The following AKT3 variants were observed in gnomAD, a reference collection of about 807,000 sequenced individuals.
AKT3 encodes the protein RAC-gamma serine/threonine-protein kinase.
In AKT3, 15 loss-of-function variants were observed where a neutral mutation model predicts 65.3. The ratio of observed to expected loss-of-function variants is 0.23; its 90% CI spans 0.15 to 0.35. The LOEUF (loss-of-function observed/expected upper bound fraction) is 0.35. Ranked by LOEUF, AKT3 falls within the 10% of genes least tolerant of loss-of-function variation. The pLI, the probability that AKT3 is intolerant of heterozygous loss-of-function variation, is 1.00. For missense variants in AKT3, 243 were observed against 576.5 expected (o/e 0.42, Z 5.92); for synonymous variants, 206 against 183.8 (o/e 1.12, Z -0.98).
At chr1:243,604,828 A>G (rs975915163) in intron 8 of AKT3, among the ~76,000 whole-genome samples, 4 of 152,216 alleles carry the variant, frequency 2.6e-5, no homozygotes, top group Non-Finnish European at 5.9e-5. Flanking sequence ...GGTCTAGCCC[A>G]CAGAAGTTGC....
At chr1:243,492,236 C>T (rs6695229) in intron 13 of AKT3, among the ~76,000 whole-genome samples, 2,459 of 150,024 alleles carry the variant, frequency 0.016, 51 homozygotes, top group African/African-American at 0.053. Flanking sequence ...CGCTCCCCGG[C>T]GCTGTCTGCG....
intron 2 of AKT3, among the ~76,000 whole-genome samples, chr1:243,802,842 A>T (rs1442699809): frequency 2.6e-5 from 4 of 152,204 alleles, no homozygotes; most frequent in Non-Finnish European, 5.9e-5. Context: ...AAAAAAGTCA[A>T]TGCTTATCAG....
chr1:243,713,759 A>AC (rs1163777040), intron 2 of AKT3, among the ~76,000 whole-genome samples: 1 of 150,828 alleles, frequency 6.6e-6, no homozygotes, highest in Non-Finnish European at 1.5e-5. Flanking sequence ...AAAAAAAAAA[A>AC]AAAAAAAAAA....
rs147152250 is a variant in AKT3, at chr1:243,659,070, A to G, written c.284+5702T>C. Among the ~76,000 whole-genome samples, 717 of 152,236 alleles carry G rather than the reference A, an allele frequency of 4.7e-3. 5 individuals are homozygous for G. Among genetic ancestry groups the G allele is most frequent in the African/African-American group, 0.017 (693 of 41,550 alleles). On this transcript the variant is annotated intron_variant, in intron 4 of 13. Transcript: ENST00000673466. The stretch of plus-strand genomic sequence containing the variant: ...AAGGCAATTGTGTTATATACATACA[A>G]TGGAATATTATTCAGCCTTAAAAAA...
chr1:243,775,153 G>A (rs988727889), intron 2 of AKT3, among the ~76,000 whole-genome samples: 2 of 151,910 alleles, frequency 1.3e-5, no homozygotes, highest in African/African-American at 4.8e-5. Context: ...GTGAGCTACC[G>A]CACCCGTCCT....
chr1:243,606,571 G>T lies in AKT3; in HGVS notation c.696+7100C>A, dbSNP rs115458282. Among the ~76,000 whole-genome samples the T allele has an allele frequency of 5.2e-3, 788 of 152,252 alleles. 10 individuals are homozygous for T. Among genetic ancestry groups the T allele is most frequent in the African/African-American group, 0.018 (747 of 41,544 alleles). ...TAAGTGGCAAAGCATTGAAGAGAAC[G>T]CGGAGAAGAAAAGTTTGCAAAATTT... On this transcript the variant is annotated intron_variant, in intron 8 of 13. Transcript: ENST00000673466.
chr1:243,505,117 G>T lies in AKT3; in HGVS notation c.*132C>A, dbSNP rs2148344628. On this transcript the variant is annotated 3_prime_UTR_variant, in exon 14 of 14. Coordinates refer to ENST00000673466, the MANE Select transcript of AKT3 (RefSeq NM_005465.7). ...TCATGAGGGTGAAAGGTGGCGAGGG[G>T]TGAGGACCCTTGGCTGGTCTGGGAT... 1.4e-6 allele frequency: 1 copy of T among 733,912 alleles called. No individual in the cohort carries two copies. Among genetic ancestry groups the T allele is most frequent in the Non-Finnish European group, 2.3e-6 (1 of 435,140 alleles). 45.5% of individuals were successfully genotyped at this position (733,912 alleles called of 1,614,324 possible).
intron 2 of AKT3, among the ~76,000 whole-genome samples, chr1:243,779,563 G>C (rs2148303216): frequency 6.6e-6 from 1 of 152,030 alleles, no homozygotes; most frequent in Middle Eastern, 3.4e-3. Flanking sequence ...TATTTAATAA[G>C]ATAAATAATT....
intron 1 of AKT3, among the ~76,000 whole-genome samples, chr1:243,844,072 CTTA>C (rs1363540358): frequency 6.6e-6 from 1 of 152,016 alleles, no homozygotes; most frequent in Non-Finnish European, 1.5e-5. Flanking sequence ...ATATTATGTA[CTTA>C]TTATAAAGTA....
chr1:243,764,695 G>A (rs1375514702), intron 2 of AKT3, among the ~76,000 whole-genome samples: 1 of 152,006 alleles, frequency 6.6e-6, no homozygotes, highest in East Asian at 1.9e-4. Context: ...AACCAAAAAA[G>A]TCTATATTTA....
chr1:243,709,739 A>T, intron 2 of AKT3, among the ~76,000 whole-genome samples: 1 of 152,016 alleles, frequency 6.6e-6, no homozygotes, highest in Non-Finnish European at 1.5e-5. Context: ...TATAATAAAT[A>T]TATATACTTA....
chr1:243,802,343 G>A (rs779914635), intron 2 of AKT3, among the ~76,000 whole-genome samples: 57 of 152,148 alleles, frequency 3.7e-4, no homozygotes, highest in Non-Finnish European at 7.6e-4. Context: ...AGGCAGCTGT[G>A]ACGAAAATAG....
chr1:243,522,889 C>A (rs941764566), intron 12 of AKT3, among the ~76,000 whole-genome samples: 11 of 152,084 alleles, frequency 7.2e-5, no homozygotes, highest in African/African-American at 2.7e-4. Flanking sequence ...GTGACCAAGA[C>A]CCTCTCTCTC....
chr1:243,716,431 T>C (rs777340196), intron 2 of AKT3, among the ~76,000 whole-genome samples: 1 of 152,174 alleles, frequency 6.6e-6, no homozygotes, highest in Non-Finnish European at 1.5e-5. Context: ...TGGGGTATTA[T>C]TAAATACTTG....
At chr1:243,510,337 G>A (rs138284101) in intron 13 of AKT3, among the ~76,000 whole-genome samples, 4 of 152,170 alleles carry the variant, frequency 2.6e-5, no homozygotes, top group Non-Finnish European at 1.5e-5. Flanking sequence ...GGCTAATAAC[G>A]AATGAGACAA....
intron 2 of AKT3, among the ~76,000 whole-genome samples, chr1:243,789,745 C>T (rs1691499947): frequency 1.3e-5 from 2 of 152,324 alleles, no homozygotes; most frequent in Non-Finnish European, 2.9e-5. Context: ...AGCAGCCATA[C>T]CCTTAGAAAA....
chr1:243,746,168 G>T (rs942724430), intron 2 of AKT3, among the ~76,000 whole-genome samples: 2 of 151,778 alleles, frequency 1.3e-5, no homozygotes, highest in African/African-American at 4.8e-5. Context: ...CAAACATAGG[G>T]AGTACTTTAT....
At chr1:243,666,354 A>C (rs1404851113) in intron 3 of AKT3, among the ~76,000 whole-genome samples, 1 of 152,132 alleles carries the variant, frequency 6.6e-6, no homozygotes, top group Non-Finnish European at 1.5e-5. Context: ...CATTCACCCA[A>C]GGGTCTCTGC....
chr1:243,830,974 T>TA (rs1694471858), intron 2 of AKT3, among the ~76,000 whole-genome samples: 2 of 152,196 alleles, frequency 1.3e-5, no homozygotes, highest in African/African-American at 4.8e-5. Flanking sequence ...AACATGGTTC[T>TA]AGAATTCCAG....
Sources: allele counts gnomAD v4.1 joint callset (sites outside exome capture counted in the v4.1 genomes callset), GRCh38; gene constraint gnomAD v4.1.1; transcripts MANE v1.5; gene names NCBI Gene and HGNC (gene_info 2026-07-23, HGNC 2026-07-21).